Variants in SHPRH observed in about 807,000 individuals in gnomAD.
SHPRH encodes the protein SNF2 histone linker PHD RING helicase.
In SHPRH, 106 loss-of-function variants were observed where a neutral mutation model predicts 202.5. The ratio of observed to expected loss-of-function variants is 0.52; its 90% CI spans 0.45 to 0.62. SHPRH has a LOEUF of 0.62. Ranked by LOEUF, SHPRH falls within the 20% of genes least tolerant of loss-of-function variation. SHPRH has a pLI of 0.00. For synonymous variants in SHPRH, 729 were observed against 686.0 expected, an observed-to-expected ratio of 1.06 and a Z score of -0.98; for missense variants, 1,710 against 2,020.0, an observed-to-expected ratio of 0.85 and a Z score of 2.94.
intron 1 of SHPRH, among the ~76,000 whole-genome samples, chr6:145,963,424 A>G (rs4243478): frequency 0.52 from 79,287 of 152,040 alleles, 21,195 homozygotes; most frequent in East Asian, 0.65. Flanking sequence ...CTAATGTCAA[A>G]CTACTTGGAA....
At chr6:145,950,098 T>C (rs1787821897) in intron 4 of SHPRH, among the ~76,000 whole-genome samples, 166 bp downstream of exon 4, 1 of 152,142 alleles carries the variant, frequency 6.6e-6, no homozygotes, top group Non-Finnish European at 1.5e-5. Flanking sequence ...AAATTCATTT[T>C]TCTAGATTTC....
chr6:145,925,876 T>G (rs549398158), intron 16 of SHPRH, among the ~76,000 whole-genome samples: 1 of 152,126 alleles, frequency 6.6e-6, no homozygotes, highest in South Asian at 2.1e-4. Context: ...GTATATTTAC[T>G]AAGCTACCTC....
At chr6:145,902,586 A>G (rs1379235014) in intron 25 of SHPRH, among the ~76,000 whole-genome samples, 1 of 152,014 alleles carries the variant, frequency 6.6e-6, no homozygotes, top group Non-Finnish European at 1.5e-5. Context: ...TATTTTACCG[A>G]TGTAATTTCA....
intron 16 of SHPRH, 106 bp from the exon 17 acceptor site, chr6:145,924,952 T>G (rs1784731600): frequency 2.5e-6 from 2 of 799,764 alleles, no homozygotes; most frequent in Non-Finnish European, 3.9e-6. Context: ...GCTACTTAAC[T>G]GCATTTAAAC....
intron 25 of SHPRH, among the ~76,000 whole-genome samples, chr6:145,898,621 C>A (rs888511685): frequency 1.3e-5 from 2 of 151,946 alleles, no homozygotes; most frequent in Admixed American, 6.6e-5. Flanking sequence ...TGAGTAAATT[C>A]TCTCTTGTGC....
chr6:145,932,395 G>GT (rs1400481867), intron 14 of SHPRH, among the ~76,000 whole-genome samples: 6 of 152,236 alleles, frequency 3.9e-5, no homozygotes, highest in African/African-American at 1.4e-4. Flanking sequence ...AAAGTGATCC[G>GT]TGAGAGATGG....
intron 21 of SHPRH, among the ~76,000 whole-genome samples, chr6:145,920,393 CAT>C (rs1191648117): frequency 1.3e-5 from 2 of 152,034 alleles, no homozygotes; most frequent in African/African-American, 4.8e-5. Flanking sequence ...TTTGTATTCA[CAT>C]GAGTAATGTG....
intron 9 of SHPRH, among the ~76,000 whole-genome samples, chr6:145,942,103 G>C (rs1483019723): frequency 6.6e-6 from 1 of 152,148 alleles, no homozygotes; most frequent in East Asian, 1.9e-4. Context: ...CATCACAGTG[G>C]AAAGACCAAT....
Position 145,893,318 on chromosome 6 carries a change from A to G in SHPRH, c.4771T>C (p.Leu1591=). ...LLPLHTGSNG[L]TIIEATHVLL... ...ACATGAGTTGCTTCAATGATAGTTA[A>G]TCCATTAGAACCTGTGTGCAGGGGC... The change falls in exon 28 of 30, where the codon TTA becomes CTA. Residue 1591 remains leucine, a synonymous_variant. Coordinates refer to ENST00000275233, the MANE Select transcript of SHPRH (RefSeq NM_001042683.3). The G allele has an allele frequency of 1.2e-6, 2 of 1,606,844 alleles. No homozygotes were observed. The highest frequency in any genetic ancestry group is 1.7e-6 in the Non-Finnish European group (2 of 1,176,792).
chr6:145,932,059 C>T (rs955115006), intron 14 of SHPRH, among the ~76,000 whole-genome samples: 11 of 151,752 alleles, frequency 7.2e-5, no homozygotes, highest in African/African-American at 2.2e-4. Context: ...TTTTCTTAGG[C>T]GGTGTCTAAT....
At chr6:145,937,404 T>C (rs1266556117) in intron 11 of SHPRH, among the ~76,000 whole-genome samples, 1 of 152,192 alleles carries the variant, frequency 6.6e-6, no homozygotes, top group African/African-American at 2.4e-5. Flanking sequence ...TCCACTTTTT[T>C]CTGTTATCTT....
intron 28 of SHPRH, among the ~76,000 whole-genome samples, chr6:145,891,095 G>C (rs751858479): frequency 1.4e-4 from 22 of 152,030 alleles, no homozygotes; most frequent in Admixed American, 2.0e-4. Context: ...GATATGCCAA[G>C]CCTCTGTTCA....
intron 25 of SHPRH, chr6:145,908,905 C>T (rs1783221375): frequency 6.6e-6 from 1 of 152,000 alleles, no homozygotes; most frequent in African/African-American, 2.4e-5. Flanking sequence ...AGTCTTTAAT[C>T]TATCTTGAGT....
Position 145,945,629 on chromosome 6 carries a change from C to T in SHPRH, c.1330G>A (p.Val444Met). The change falls in exon 8 of 30, where the codon GTG becomes ATG. Residue 444 changes from valine to methionine, a missense_variant. Val to Met is a conservative substitution (Grantham distance 21). Coordinates refer to ENST00000275233, the MANE Select transcript of SHPRH (RefSeq NM_001042683.3). ...KEKVQCPPTR[V>M]MILTAVKEMN... ...TCTTTCACAGCTGTCAGTATCATCA[C>T]ACGTGTAGCTAAATGTAAAAGGATA... The T allele has an allele frequency of 6.2e-7, 1 of 1,606,686 alleles. No homozygotes were observed. Among genetic ancestry groups the T allele is most frequent in the Non-Finnish European group, 8.5e-7 (1 of 1,177,484 alleles).
downstream of SHPRH, chr6:145,881,562 TG>T (rs1375172198): frequency 1.3e-5 from 2 of 152,228 alleles, no homozygotes; most frequent in Non-Finnish European, 2.9e-5. Flanking sequence ...TCTGACAATA[TG>T]AAACTCTGTC....
chr6:145,948,175 G>T, intron 5 of SHPRH, 97 bp downstream of exon 5: 3 of 813,406 alleles, frequency 3.7e-6, no homozygotes, highest in Non-Finnish European at 5.7e-6. Context: ...ATTCCTTCAT[G>T]AGGTAGAGTC....
intron 2 of SHPRH, among the ~76,000 whole-genome samples, chr6:145,866,766 G>T (rs182261568): frequency 6.4e-4 from 97 of 152,312 alleles, no homozygotes; most frequent in South Asian, 2.1e-3. Context: ...AAGGAGACTG[G>T]AAGATTTGCT....
intron 28 of SHPRH, among the ~76,000 whole-genome samples, chr6:145,892,551 T>C (rs182873404): frequency 1.2e-4 from 18 of 152,178 alleles, no homozygotes; most frequent in Admixed American, 9.2e-4. Flanking sequence ...AAGTGCTTAT[T>C]ATGGATGTGT....
rs954791970 is a variant in SHPRH, at chr6:145,952,301, T to C, written c.763+48A>G. ...ATGTCCAGGGGTTAGAGGAAAAAAC[T>C]CACAACTCCTAAGTAATAGCAATTT... is the stretch of plus-strand genomic sequence containing the variant. On this transcript the variant is annotated intron_variant, in intron 3 of 29. Coordinates refer to ENST00000275233, the MANE Select transcript of SHPRH (RefSeq NM_001042683.3). 5.9e-6 allele frequency: 9 copies of C among 1,514,222 alleles called. No individual in the cohort carries two copies. In the African/African-American group the frequency reaches 1.1e-4, roughly 19 times the overall value. The allele number at this position is 1,514,222 out of a possible 1,614,324, so 93.8% of individuals were successfully genotyped here. A position where few individuals can be genotyped will look rare whatever the true frequency, so the allele number is the denominator to read the frequency against.
Sources: gnomAD v4.1 joint callset for allele counts (sites outside exome capture counted in the v4.1 genomes callset) on GRCh38, gnomAD v4.1.1 for gene constraint, MANE v1.5 for transcripts, NCBI Gene and HGNC (gene_info 2026-07-23, HGNC 2026-07-21) for gene names.